Variants in GET1 observed in about 807,000 individuals in gnomAD.
GET1 encodes the protein congenital heart disease 5 protein.
GET1 carries 20 observed loss-of-function variants against 22.6 expected under a neutral mutation model. The ratio of observed to expected loss-of-function variants is 0.89; its 90% CI spans 0.62 to 1.29. The LOEUF (loss-of-function observed/expected upper bound fraction) is 1.29. Ranked by LOEUF, GET1 falls within the 50% of genes most tolerant of loss-of-function variation. The pLI, the probability that GET1 is intolerant of heterozygous loss-of-function variation, is 0.00. For missense variants in GET1, 209 were observed against 219.9 expected (o/e 0.95, Z 0.31); for synonymous variants, 92 against 83.8 (o/e 1.10, Z -0.53).
intron 1 of GET1, among the ~76,000 whole-genome samples, chr21:39,416,571 G>A (rs2041198075): frequency 6.6e-6 from 1 of 152,058 alleles, no homozygotes; most frequent in Non-Finnish European, 1.5e-5. Flanking sequence ...GGTGTTCATT[G>A]CTCCTGGTTA....
At chr21:39,422,949 A>C in intron 1 of GET1, 1 of 1,599,728 alleles carries the variant, frequency 6.3e-7, no homozygotes, top group Non-Finnish European at 8.5e-7. Flanking sequence ...TGGAATCTTA[A>C]ACTGTCTGGG....
At chr21:39,417,398 T>C (rs11910288) in intron 1 of GET1, among the ~76,000 whole-genome samples, 1 of 152,216 alleles carries the variant, frequency 6.6e-6, no homozygotes, top group Non-Finnish European at 1.5e-5. Flanking sequence ...ATTTTCATGG[T>C]TCCATAAAGA....
At chr21:39,405,862 C>T (rs765018970) in intron 4 of GET1, 13 of 1,506,634 alleles carry the variant, frequency 8.6e-6, no homozygotes, top group Non-Finnish European at 1.2e-5. Flanking sequence ...AACCAGAATG[C>T]ATTAGGATAT....
rs539754591 is a variant in GET1 at position 39,419,690 on chromosome 21, C to T, written c.*24-8542C>T. On this transcript the variant is annotated intron_variant, in intron 1 of 1. Transcript: ENST00000478273. ...AATCCTTGTGAATGGGATTAGTGCC[C>T]TTGTAAAAGAGGCCTAAAGGAGCTC... Among the ~76,000 whole-genome samples, 16 of 151,912 alleles carry T rather than the reference C, an allele frequency of 1.1e-4. No individual in the cohort carries two copies. The South Asian group carries it at 3.1e-3, about 30-fold the overall frequency.
intron 4 of GET1, among the ~76,000 whole-genome samples, chr21:39,395,365 A>G (rs1039191106): frequency 9.3e-6 from 1 of 107,838 alleles, no homozygotes; most frequent in African/African-American, 3.0e-5. Flanking sequence ...AAAAGGAATG[A>G]CTATTTTTTT....
chr21:39,385,053 C>G (rs1285511141), intron 1 of GET1, among the ~76,000 whole-genome samples: 1 of 152,102 alleles, frequency 6.6e-6, no homozygotes, highest in African/African-American at 2.4e-5. Flanking sequence ...GGGTCAAATG[C>G]TGCTCCTTCA....
intron 1 of GET1, chr21:39,386,504 C>T (rs996801567): frequency 6.6e-6 from 1 of 152,386 alleles, no homozygotes; most frequent in Admixed American, 6.5e-5. Context: ...GCTTCTCCGC[C>T]CTTGCCGGTA....
intron 1 of GET1, among the ~76,000 whole-genome samples, chr21:39,418,783 A>T (rs1266329137): frequency 6.6e-6 from 1 of 152,224 alleles, no homozygotes; most frequent in Non-Finnish European, 1.5e-5. Context: ...TACAGGTGTG[A>T]GCCACCATGC....
At chr21:39,425,549 G>A (rs1370763639) in intron 1 of GET1, among the ~76,000 whole-genome samples, 1 of 152,192 alleles carries the variant, frequency 6.6e-6, no homozygotes, top group Non-Finnish European at 1.5e-5. Flanking sequence ...GAGCAGGCCA[G>A]CCTCTAGGAC....
In GET1 at chr21:39,395,368, A is replaced by AT. The variant is rs34180324; in HGVS notation, c.452-1484dup. The stretch of plus-strand genomic sequence containing the variant: ...GAATACTGTATCAAAAGGAATGACT[A>AT]TTTTTTTTTTTTTTAAGACCGAGTC... On this transcript the variant is annotated intron_variant, in intron 4 of 4. Coordinates refer to ENST00000649170, the MANE Select transcript of GET1 (RefSeq NM_004627.6). Among the ~76,000 whole-genome samples, 1,014 of 147,002 alleles carry AT rather than the reference A, an allele frequency of 6.9e-3. 10 individuals carry two copies. The highest frequency in any genetic ancestry group is 0.021 in the African/African-American group (842 of 39,738).
chr21:39,381,459 G>A (rs1427503871), intron 1 of GET1, among the ~76,000 whole-genome samples: 1 of 152,148 alleles, frequency 6.6e-6, no homozygotes, highest in Non-Finnish European at 1.5e-5. Flanking sequence ...CCTGTTTTGT[G>A]CAAAACTCTA....
chr21:39,399,694 G>A (rs915699344), downstream of GET1, among the ~76,000 whole-genome samples: 2 of 152,198 alleles, frequency 1.3e-5, no homozygotes, highest in Non-Finnish European at 2.9e-5. Flanking sequence ...ACCTGCCTCA[G>A]GCCCCCAAAG....
At chr21:39,409,932 A>T (rs2039798929), downstream of GET1, 3 of 1,123,330 alleles carry the variant, frequency 2.7e-6, no homozygotes, top group South Asian at 4.0e-5. This position sits in a 1 kb window ranked among gnomAD's most constrained non-coding sequence, Gnocchi z 4.2. Context: ...AGTAATTCAC[A>T]ATTTTAAAGA....
chr21:39,387,752 A>G (rs548430152), intron 1 of GET1: 45 of 981,536 alleles, frequency 4.6e-5, no homozygotes, highest in Middle Eastern at 1.0e-3. Flanking sequence ...TGGGCGGGTC[A>G]GAAACCACGC....
At position 39,419,666 on chromosome 21, in the gene GET1, A is replaced by T. The variant is rs138824209; in HGVS notation, c.*24-8566A>T. 4.1e-3 allele frequency among the ~76,000 whole-genome samples: 629 copies of T among 152,264 alleles called. 6 individuals are homozygous for T. Among genetic ancestry groups the T allele is most frequent in the African/African-American group, 0.015 (611 of 41,546 alleles). ...GAGGTGATTAGGTCACAAGGGCAGA[A>T]TCCTTGTGAATGGGATTAGTGCCCT... On this transcript the variant is annotated intron_variant, in intron 1 of 1. Transcript: ENST00000478273.
rs564175626 is a variant in GET1 at position 39,394,542 on chromosome 21, A to C, written c.451+1262A>C. Among the ~76,000 whole-genome samples the C allele has an allele frequency of 1.4e-3, 213 of 152,316 alleles. 1 individual carries two copies. The highest frequency in any genetic ancestry group is 2.4e-3 in the Admixed American group (37 of 15,306). ...ACTATAAACTGGGTAGCTCATAAACAACAGAAATTTATTTCTCACTGTTCC... is the reference window on the plus strand; with the variant it reads ...ACTATAAACTGGGTAGCTCATAAACCACAGAAATTTATTTCTCACTGTTCC... On this transcript the variant is annotated intron_variant, in intron 4 of 4. Coordinates refer to ENST00000649170, the MANE Select transcript of GET1 (RefSeq NM_004627.6).
intron 1 of GET1, among the ~76,000 whole-genome samples, chr21:39,381,701 AG>A (rs2037564566): frequency 5.3e-5 from 8 of 152,220 alleles, no homozygotes; most frequent in Admixed American, 3.9e-4. Context: ...TTAGGTGTAC[AG>A]TTCAGTGGCA....
At chr21:39,402,858 A>C (rs869307162), downstream of GET1, among the ~76,000 whole-genome samples, 14 of 152,028 alleles carry the variant, frequency 9.2e-5, no homozygotes, top group African/African-American at 3.4e-4. Flanking sequence ...ATCTCATAAT[A>C]CTCAGAGATA....
chr21:39,390,206 C>T (rs779211460), intron 1 of GET1, among the ~76,000 whole-genome samples: 14 of 152,016 alleles, frequency 9.2e-5, no homozygotes, highest in Non-Finnish European at 1.9e-4. Context: ...GGAGTCACCT[C>T]AAAAGCAGTG....
Sources: allele counts gnomAD v4.1 joint callset (sites outside exome capture counted in the v4.1 genomes callset), GRCh38; gene constraint gnomAD v4.1.1; non-coding constraint Gnocchi (gnomAD v3.1); transcripts MANE v1.5; gene names NCBI Gene and HGNC (gene_info 2026-07-23, HGNC 2026-07-21).